Variants in RBMS3 observed in about 807,000 individuals in gnomAD.
RBMS3 encodes the protein RNA binding motif single stranded interacting protein 3, also known as RNA-binding motif, single-stranded-interacting protein 3.
A neutral mutation model predicts 66.8 loss-of-function variants in RBMS3; 27 were observed. The observed-to-expected ratio is 0.40, with a 90% CI of 0.30 to 0.56. The LOEUF is 0.56. Ranked by LOEUF, RBMS3 falls within the 20% of genes least tolerant of loss-of-function variation. RBMS3 has a pLI of 0.40. For missense variants in RBMS3, 513 were observed against 549.5 expected (o/e 0.93, Z 0.66); for synonymous variants, 188 against 183.0 (o/e 1.03, Z -0.22).
At chr3:29,609,199 C>T (rs911695458) in intron 4 of RBMS3, among the ~76,000 whole-genome samples, 7 of 151,990 alleles carry the variant, frequency 4.6e-5, no homozygotes, top group Admixed American at 6.6e-5. Flanking sequence ...ATTTCTGTCC[C>T]TGTTTCTTCT....
intron 4 of RBMS3, among the ~76,000 whole-genome samples, chr3:29,627,499 G>T (rs181842500): frequency 3.5e-4 from 53 of 152,074 alleles, no homozygotes; most frequent in Non-Finnish European, 5.7e-4. Context: ...GGATGTCCTA[G>T]GAGGCAAAAT....
chr3:29,779,726 A>ATATATATATATATATATATAT (rs1559662740), intron 6 of RBMS3, among the ~76,000 whole-genome samples: 1 of 65,974 alleles, frequency 1.5e-5, no homozygotes, highest in Non-Finnish European at 4.2e-5. Context: ...TATATATATA[A>ATATATATATATATATATATAT]ACAACCCCAA....
intron 12 of RBMS3, among the ~76,000 whole-genome samples, chr3:29,965,280 A>G (rs1454427519): frequency 2.0e-5 from 3 of 152,152 alleles, no homozygotes; most frequent in African/African-American, 7.2e-5. Context: ...TTCTACTTTT[A>G]GTTCTTCAAG....
At position 29,707,664 on chromosome 3, in the gene RBMS3, A is replaced by G. The variant is rs563820943; in HGVS notation, c.400-32056A>G. Among the ~76,000 whole-genome samples, 37 of 152,336 alleles carry G rather than the reference A, an allele frequency of 2.4e-4. No homozygotes were observed. In the East Asian group the frequency reaches 6.4e-3, roughly 26 times the overall value. ...TATCCTCTCAAAACCACAAAAGGCC[A>G]AGCTAGACACAATTCATGTTTACAG... On this transcript the variant is annotated intron_variant, in intron 4 of 14. Coordinates refer to ENST00000383767, the MANE Select transcript of RBMS3 (RefSeq NM_001003793.3).
At chr3:29,340,335 G>A (rs868250200) in intron 1 of RBMS3, among the ~76,000 whole-genome samples, 26 of 152,194 alleles carry the variant, frequency 1.7e-4, no homozygotes, top group Middle Eastern at 3.4e-3. Context: ...TCTTCCTTTA[G>A]CACATTTACT....
At chr3:29,873,009 G>A (rs2059528842) in intron 7 of RBMS3, among the ~76,000 whole-genome samples, 1 of 152,190 alleles carries the variant, frequency 6.6e-6, no homozygotes, top group Admixed American at 6.5e-5. Flanking sequence ...CCGTGGTATA[G>A]TTTGAAGTCA....
At chr3:29,636,613 G>C (rs2149186903) in intron 4 of RBMS3, among the ~76,000 whole-genome samples, 1 of 151,992 alleles carries the variant, frequency 6.6e-6, no homozygotes, top group East Asian at 1.9e-4. Flanking sequence ...GCCATTTAAT[G>C]GGTTTCTAGT....
chr3:29,829,229 G>T (rs1367536953), intron 6 of RBMS3, among the ~76,000 whole-genome samples: 1 of 152,040 alleles, frequency 6.6e-6, no homozygotes, highest in African/African-American at 2.4e-5. Context: ...AATTTTAGTA[G>T]AGACAGGGTT....
intron 3 of RBMS3, among the ~76,000 whole-genome samples, chr3:29,577,968 A>G (rs1024476725): frequency 2.6e-5 from 4 of 152,160 alleles, no homozygotes; most frequent in Admixed American, 2.0e-4. Context: ...GGTACAAACT[A>G]TGTAGGTTTC....
intron 4 of RBMS3, among the ~76,000 whole-genome samples, chr3:29,698,012 A>G (rs1027171650): frequency 6.6e-6 from 1 of 152,226 alleles, no homozygotes; most frequent in Non-Finnish European, 1.5e-5. Context: ...GATAATCATT[A>G]TTCCTCTGAC....
At chr3:29,425,227 A>AG (rs2040906890) in intron 1 of RBMS3, among the ~76,000 whole-genome samples, 2 of 151,262 alleles carry the variant, frequency 1.3e-5, no homozygotes, top group African/African-American at 4.9e-5. Context: ...AAAAAAAAAA[A>AG]AACAGGCGTG....
At chr3:29,524,037 C>T (rs2044976044) in intron 3 of RBMS3, among the ~76,000 whole-genome samples, 1 of 152,084 alleles carries the variant, frequency 6.6e-6, no homozygotes, top group Admixed American at 6.6e-5. Flanking sequence ...TGCGCCCAGC[C>T]CATAATCTCT....
chr3:29,973,309 A>T (rs1697342816), intron 12 of RBMS3, among the ~76,000 whole-genome samples: 1 of 152,068 alleles, frequency 6.6e-6, no homozygotes. Flanking sequence ...TAGTAACAAT[A>T]CGAAAGATCC....
chr3:29,556,247 C>G (rs2046358954), intron 3 of RBMS3: 1 of 152,216 alleles, frequency 6.6e-6, no homozygotes, highest in South Asian at 2.1e-4. Context: ...AGTTAACTAC[C>G]TTTCTGTTGG....
intron 6 of RBMS3, among the ~76,000 whole-genome samples, chr3:29,839,439 T>C (rs79105408): frequency 0.017 from 2,520 of 152,200 alleles, 68 homozygotes; most frequent in African/African-American, 0.058. Context: ...GGAGACCCCC[T>C]TCTTTTTATG....
chr3:29,328,544 G>T (rs2035472467), intron 1 of RBMS3, among the ~76,000 whole-genome samples: 1 of 152,108 alleles, frequency 6.6e-6, no homozygotes, highest in African/African-American at 2.4e-5. Context: ...AAGAACTTTG[G>T]AATATGTCCT....
At chr3:29,727,476 G>C (rs941831514) in intron 4 of RBMS3, among the ~76,000 whole-genome samples, 1 of 151,996 alleles carries the variant, frequency 6.6e-6, no homozygotes, top group Non-Finnish European at 1.5e-5. Context: ...ATCTGACAAA[G>C]GTCTAATATC....
chr3:29,429,287 TTATTAGGATTAC>T (rs1237012354), intron 1 of RBMS3, among the ~76,000 whole-genome samples: 8 of 152,202 alleles, frequency 5.3e-5, no homozygotes, highest in African/African-American at 1.9e-4. Context: ...CTACCTATAA[TTATTAGGATTAC>T]TATTTTAGGA....
intron 4 of RBMS3, among the ~76,000 whole-genome samples, chr3:29,663,957 C>T (rs2050655091): frequency 6.6e-6 from 1 of 152,074 alleles, no homozygotes; most frequent in Non-Finnish European, 1.5e-5. Flanking sequence ...TCTATGGCTT[C>T]AATTATCTAT....
Sources: gnomAD v4.1 joint callset for allele counts (sites outside exome capture counted in the v4.1 genomes callset) on GRCh38, gnomAD v4.1.1 for gene constraint, MANE v1.5 for transcripts, NCBI Gene and HGNC (gene_info 2026-07-23, HGNC 2026-07-21) for gene names.